DST: variants seen among roughly 807,000 people sequenced by gnomAD.
DST encodes dystonin.
A neutral mutation model predicts 875.2 loss-of-function variants in DST; 253 were observed. The observed-to-expected ratio is 0.29, with a 90% CI of 0.26 to 0.32. The LOEUF (loss-of-function observed/expected upper bound fraction) is 0.32, where lower values mean the gene tolerates loss of function less well. Among genes scored for constraint, DST ranks in the 10% least tolerant of loss-of-function variants. The pLI is 1.00. For missense variants in DST, 8,287 were observed against 9,111.6 expected, an observed-to-expected ratio of 0.91 and a Z score of 3.68; for synonymous variants, 3,124 against 3,197.1, an observed-to-expected ratio of 0.98 and a Z score of 0.77.
chr6:56,886,960 A>C (rs1402544828), intron 3 of DST, among the ~76,000 whole-genome samples: 1 of 152,200 alleles, frequency 6.6e-6, no homozygotes, highest in Non-Finnish European at 1.5e-5. Context: ...ATTGAGAGAA[A>C]TCAGACCCTT....
intron 24 of DST, 48 bp from the exon 25 acceptor site, chr6:56,635,001 T>C: frequency 2.7e-6 from 4 of 1,458,288 alleles, no homozygotes; most frequent in Non-Finnish European, 1.9e-6. Context: ...ACTTGTACTC[T>C]CCATGCCTTC....
chr6:56,826,889 A>G (rs1176362089), intron 4 of DST, among the ~76,000 whole-genome samples: 1 of 152,194 alleles, frequency 6.6e-6, no homozygotes, highest in Non-Finnish European at 1.5e-5. Flanking sequence ...GACAGTAACA[A>G]GTCACATTCT....
At chr6:56,807,746 T>C (rs1177521722) in intron 4 of DST, among the ~76,000 whole-genome samples, 2 of 152,180 alleles carry the variant, frequency 1.3e-5, no homozygotes, top group Non-Finnish European at 2.9e-5. Context: ...ACCACAGTCC[T>C]AAATGTAAGG....
chr6:56,524,170 T>C (rs1440325926), intron 69 of DST, among the ~76,000 whole-genome samples: 17 of 152,170 alleles, frequency 1.1e-4, no homozygotes, highest in Admixed American at 7.9e-4. Flanking sequence ...TTCAGGGATA[T>C]ATTAGCTTCT....
intron 61 of DST, among the ~76,000 whole-genome samples, chr6:56,544,072 T>C (rs1023762161): frequency 1.3e-4 from 20 of 152,178 alleles, no homozygotes; most frequent in African/African-American, 4.8e-5. Flanking sequence ...GTGAAATATT[T>C]CAACAAGCAC....
intron 36 of DST, chr6:56,615,349 C>T: frequency 6.9e-7 from 1 of 1,456,634 alleles, no homozygotes. Context: ...ATGTAATTTT[C>T]AATTTAAAAC....
At chr6:56,557,156 A>G (rs1159474718) in intron 59 of DST, among the ~76,000 whole-genome samples, 163 bp downstream of exon 59, 1 of 152,198 alleles carries the variant, frequency 6.6e-6, no homozygotes, top group African/African-American at 2.4e-5. Flanking sequence ...ATTCCCACTA[A>G]TATCAGGACA....
intron 10 of DST, among the ~76,000 whole-genome samples, chr6:56,656,762 A>T (rs904158641): frequency 4.6e-5 from 7 of 152,236 alleles, no homozygotes; most frequent in African/African-American, 1.4e-4. Context: ...CTGAGAATAC[A>T]TAATAAAGAA....
At chr6:56,872,832 C>CTTTTTTTT (rs1554220821) in intron 3 of DST, among the ~76,000 whole-genome samples, 1 of 127,860 alleles carries the variant, frequency 7.8e-6, no homozygotes, top group African/African-American at 2.8e-5. Flanking sequence ...TCCCCCCCCC[C>CTTTTTTTT]TTTTTTTTTT....
At chr6:56,460,048 C>A in intron 103 of DST, 83 bp downstream of exon 103, 1 of 1,466,732 alleles carries the variant, frequency 6.8e-7, no homozygotes, top group African/African-American at 1.4e-5. Flanking sequence ...GTAATTTCTT[C>A]CCCAATGAGG....
intron 5 of DST, among the ~76,000 whole-genome samples, chr6:56,725,778 A>G (rs1424764528): frequency 6.6e-6 from 1 of 152,166 alleles, no homozygotes; most frequent in African/African-American, 2.4e-5. Flanking sequence ...ATTTAAGGAA[A>G]TGCAATTTCA....
chr6:56,655,115 C>G (rs1349131493), intron 10 of DST, among the ~76,000 whole-genome samples: 1 of 147,638 alleles, frequency 6.8e-6, no homozygotes, highest in Non-Finnish European at 1.5e-5. Flanking sequence ...GAGCCGAGAT[C>G]GCGCCATTGC....
In DST at chr6:56,714,895, ATTC is replaced by A. The variant is rs927554308; in HGVS notation, c.688-10529_688-10527del. ...TGGTTTCCTTCTTCTGCACTCCCATATTCTTTGGATTATACCAGTACACCAATC... is the reference window on the plus strand; with the variant it reads ...TGGTTTCCTTCTTCTGCACTCCCATATTTGGATTATACCAGTACACCAATC... On this transcript the variant is annotated intron_variant, in intron 5 of 103. Coordinates refer to ENST00000680361, the MANE Select transcript of DST (RefSeq NM_001374736.1). The surrounding 1 kb of genome is among the most constrained non-coding windows in gnomAD (Gnocchi z 4.5). 1.1e-4 allele frequency among the ~76,000 whole-genome samples: 16 copies of A among 152,124 alleles called. No individual in the cohort carries two copies. The highest frequency in any genetic ancestry group is 3.6e-4 in the African/African-American group (15 of 41,418).
intron 47 of DST, among the ~76,000 whole-genome samples, chr6:56,594,845 T>A (rs191461914): frequency 1.4e-4 from 22 of 152,076 alleles, no homozygotes; most frequent in Admixed American, 1.3e-3. Context: ...AAGGAGTACA[T>A]GAGATCACAT....
intron 26 of DST, 92 bp from the exon 27 acceptor site, chr6:56,634,350 T>G: frequency 6.2e-7 from 1 of 1,607,660 alleles, no homozygotes. Flanking sequence ...ATTCCACGGA[T>G]GAGTTCTAGA....
chr6:56,467,651 A>T (rs1209433766), intron 98 of DST, among the ~76,000 whole-genome samples: 4 of 152,178 alleles, frequency 2.6e-5, no homozygotes, highest in Non-Finnish European at 5.9e-5. Flanking sequence ...GTTCAAGATT[A>T]TACTCAAAAC....
Position 56,634,234 on chromosome 6 carries a change from G to C in DST, c.3519C>G (p.Val1173=). The C allele has an allele frequency of 1.2e-6, 2 of 1,613,758 alleles. No individual in the cohort carries two copies. Among genetic ancestry groups the C allele is most frequent in the African/African-American group, 1.3e-5 (1 of 75,024 alleles). Residue 1173 remains valine, a synonymous_variant, in exon 27 of 104, where the codon GTC becomes GTG. Transcript: ENST00000680361. ...TGTGAGACTCATGCCAAAGAGTCAG[G>C]ACATTCTGATACTGTTGCTCAATTC... is the stretch of plus-strand genomic sequence containing the variant. ...ANRIEQQYQN[V]LTLWHESHIN... is the part of the protein sequence containing the mutation.
chr6:56,517,375 C>A, intron 70 of DST, 70 bp from the exon 71 acceptor site: 1 of 1,579,336 alleles, frequency 6.3e-7, no homozygotes. Flanking sequence ...AACAATTAGG[C>A]TAAGTAGTTA....
In DST at chr6:56,584,713, T is replaced by G. The variant is rs572431211; in HGVS notation, c.12904-5776A>C. On this transcript the variant is annotated intron_variant, in intron 49 of 103. Coordinates refer to ENST00000680361, the MANE Select transcript of DST (RefSeq NM_001374736.1). ...GCTTCCCGTTTTTGCCCATTCAGTA[T>G]GATATTGGCTGTGGGTCTGTCATAG... Among the ~76,000 whole-genome samples, 3 of 152,248 alleles carry G rather than the reference T, an allele frequency of 2.0e-5. No homozygotes were observed. The South Asian group carries it at 6.2e-4, about 32-fold the overall frequency.
Sources: allele counts gnomAD v4.1 joint callset (sites outside exome capture counted in the v4.1 genomes callset), GRCh38; gene constraint gnomAD v4.1.1; non-coding constraint Gnocchi (gnomAD v3.1); transcripts MANE v1.5; gene names NCBI Gene and HGNC (gene_info 2026-07-23, HGNC 2026-07-21).